CYP39A1: variants seen among roughly 807,000 people sequenced by gnomAD.
The protein encoded by CYP39A1 is cytochrome P450 family 39 subfamily A member 1.
CYP39A1 carries 49 observed loss-of-function variants against 58.1 expected under a neutral mutation model. The observed-to-expected ratio is 0.84, with a 90% CI of 0.67 to 1.07. CYP39A1 has a LOEUF of 1.07. CYP39A1 is among the 50% of genes least tolerant of loss of function. The pLI, the probability that CYP39A1 is intolerant of heterozygous loss-of-function variation, is 0.00. For missense variants in CYP39A1, 531 were observed against 539.4 expected (o/e 0.98, Z 0.16); for synonymous variants, 209 against 187.6 (o/e 1.11, Z -0.93).
intron 7 of CYP39A1, among the ~76,000 whole-genome samples, chr6:46,603,679 C>T (rs1773654902): frequency 6.6e-6 from 1 of 152,206 alleles, no homozygotes; most frequent in Non-Finnish European, 1.5e-5. Context: ...TGAGACCTGT[C>T]TCAGACACTT....
chr6:46,626,050 C>A (rs998412368), intron 6 of CYP39A1, among the ~76,000 whole-genome samples: 4 of 145,460 alleles, frequency 2.7e-5, no homozygotes, highest in African/African-American at 1.0e-4. Flanking sequence ...AAACAAAGTC[C>A]TTTTTTTTGG....
intron 10 of CYP39A1, among the ~76,000 whole-genome samples, chr6:46,571,574 C>A (rs747485957): frequency 6.6e-6 from 1 of 151,844 alleles, no homozygotes; most frequent in African/African-American, 2.4e-5. Flanking sequence ...CATGGAATAT[C>A]TTTTTCCATC....
intron 10 of CYP39A1, among the ~76,000 whole-genome samples, chr6:46,556,923 T>C (rs1770691478): frequency 6.6e-6 from 1 of 151,280 alleles, no homozygotes; most frequent in African/African-American, 2.4e-5. Context: ...GGCCCAGAAA[T>C]GACAGATATT....
intron 10 of CYP39A1, among the ~76,000 whole-genome samples, chr6:46,572,172 A>AT (rs1561957355): frequency 8.0e-6 from 1 of 125,220 alleles, no homozygotes; most frequent in South Asian, 2.3e-4. Context: ...TGTGTTTAAT[A>AT]TTTTTTTCGG....
intron 8 of CYP39A1, among the ~76,000 whole-genome samples, chr6:46,591,441 T>G (rs566105839): frequency 6.6e-6 from 1 of 152,208 alleles, no homozygotes; most frequent in South Asian, 2.1e-4. Context: ...TTATCCTTTT[T>G]GTGGCTTCAT....
chr6:46,623,187 C>T (rs969278902), intron 7 of CYP39A1, among the ~76,000 whole-genome samples: 7 of 151,990 alleles, frequency 4.6e-5, no homozygotes, highest in African/African-American at 9.7e-5. Context: ...TTGACTGGAT[C>T]GGGGGTGCCC....
In CYP39A1 at chr6:46,594,502, TACAC is replaced by T. The variant is rs1196032349; in HGVS notation, c.1065+1481_1065+1484del. On this transcript the variant is annotated intron_variant, in intron 8 of 11. Coordinates refer to ENST00000275016, the MANE Select transcript of CYP39A1 (RefSeq NM_016593.5). ...ACAGAATAGACAGCCCCAGAATAAA[TACAC>T]ACATTTACAGTCAATTGAATGTCAA... 2.0e-5 allele frequency among the ~76,000 whole-genome samples: 3 copies of T among 151,880 alleles called. No individual in the cohort carries two copies. In the East Asian group the frequency reaches 5.8e-4, roughly 29 times the overall value.
At chr6:46,594,731 C>T (rs1442123153) in intron 8 of CYP39A1, among the ~76,000 whole-genome samples, 1 of 151,748 alleles carries the variant, frequency 6.6e-6, no homozygotes, top group Non-Finnish European at 1.5e-5. Flanking sequence ...GGGAAAAGAC[C>T]CCATGACAGT....
At chr6:46,586,448 G>A in intron 10 of CYP39A1, 24 of 970,194 alleles carry the variant, frequency 2.5e-5, no homozygotes, top group Non-Finnish European at 2.9e-5. Context: ...GCTCTCTGAA[G>A]CTTAGAAGAG....
chr6:46,615,816 G>A (rs946312061), intron 7 of CYP39A1, among the ~76,000 whole-genome samples: 5 of 151,604 alleles, frequency 3.3e-5, no homozygotes, highest in Non-Finnish European at 7.4e-5. Flanking sequence ...CCCACAGTGA[G>A]GCCACATCTG....
chr6:46,574,725 G>T (rs1771762756), intron 10 of CYP39A1, among the ~76,000 whole-genome samples: 1 of 152,048 alleles, frequency 6.6e-6, no homozygotes. Flanking sequence ...CAGGATGGGG[G>T]CTGGAGATCT....
chr6:46,615,923 G>C (rs1035888039), intron 7 of CYP39A1, among the ~76,000 whole-genome samples: 2 of 151,576 alleles, frequency 1.3e-5, no homozygotes, highest in South Asian at 2.1e-4. Context: ...GCCAATTAGG[G>C]CTTACACTGA....
intron 10 of CYP39A1, among the ~76,000 whole-genome samples, chr6:46,576,859 C>A (rs768360712): frequency 6.6e-6 from 1 of 152,116 alleles, no homozygotes; most frequent in African/African-American, 2.4e-5. Flanking sequence ...AGAAACCAAA[C>A]CTACAACTTA....
At chr6:46,643,368 T>A (rs1308932291) in intron 1 of CYP39A1, among the ~76,000 whole-genome samples, 6 of 152,202 alleles carry the variant, frequency 3.9e-5, no homozygotes, top group Non-Finnish European at 8.8e-5. Context: ...TCCCAAGAGA[T>A]GACACATGAT....
At chr6:46,624,439 T>A (rs911294572) in intron 7 of CYP39A1, among the ~76,000 whole-genome samples, 1 of 152,192 alleles carries the variant, frequency 6.6e-6, no homozygotes, top group Non-Finnish European at 1.5e-5. Flanking sequence ...ATGATAATGA[T>A]GCTCACCATT....
In CYP39A1 at chr6:46,550,435, A is replaced by T. The variant is rs201020819; in HGVS notation, c.1341T>A (p.Ser447Arg). ...GGGGGACACCCACCAAATGGAGATA[A>T]CTCTAAAAACAGAAATGCAGAAGAA... ...CSLLDPLPKQSYLHLVGVPQP... is the reference protein window; with the variant it reads ...CSLLDPLPKQRYLHLVGVPQP... The change falls in exon 12 of 12, where the codon AGT becomes AGA. Residue 447 changes from serine to arginine, a missense_variant and splice_region_variant. Ser to Arg is a moderately radical substitution (Grantham distance 110). Transcript: ENST00000275016. 1.9e-6 allele frequency: 3 copies of T among 1,610,118 alleles called. No homozygotes were observed. The highest frequency in any genetic ancestry group is 2.5e-6 in the Non-Finnish European group (3 of 1,178,066).
At chr6:46,616,234 CCCTCCCTCCCTT>C (rs1774589594) in intron 7 of CYP39A1, among the ~76,000 whole-genome samples, 1 of 35,744 alleles carries the variant, frequency 2.8e-5, no homozygotes, top group African/African-American at 1.9e-4. Context: ...CTCCCTCCCT[CCCTCCCTCCCTT>C]CCTTCCTTCC....
intron 7 of CYP39A1, among the ~76,000 whole-genome samples, chr6:46,597,923 G>A (rs1233804947): frequency 6.6e-6 from 1 of 152,096 alleles, no homozygotes; most frequent in East Asian, 1.9e-4. Context: ...AAGGAGATAA[G>A]CACTTTTATG....
intron 10 of CYP39A1, among the ~76,000 whole-genome samples, chr6:46,576,522 T>C (rs139028733): frequency 0.011 from 1,670 of 152,244 alleles, 25 homozygotes; most frequent in African/African-American, 0.038. Flanking sequence ...ATGACAGATA[T>C]AGAATTCAGA....
Sources: gnomAD v4.1 joint callset for allele counts (sites outside exome capture counted in the v4.1 genomes callset) on GRCh38, gnomAD v4.1.1 for gene constraint, MANE v1.5 for transcripts, NCBI Gene and HGNC (gene_info 2026-07-23, HGNC 2026-07-21) for gene names.